Variants in IQGAP1 observed in about 807,000 individuals in gnomAD.
IQGAP1 encodes the protein IQ motif containing GTPase activating protein 1, also known as ras GTPase-activating-like protein IQGAP1.
Under a neutral mutation model 215.6 loss-of-function variants are expected in IQGAP1, and 66 were observed. The observed-to-expected ratio is 0.31, with a 90% CI of 0.25 to 0.38. The LOEUF (loss-of-function observed/expected upper bound fraction) is 0.38. Among genes scored for constraint, IQGAP1 ranks in the 10% least tolerant of loss-of-function variants. The pLI is 1.00. For missense variants in IQGAP1, 1,712 were observed against 1,997.1 expected (o/e 0.86, Z 2.72); for synonymous variants, 772 against 728.7 (o/e 1.06, Z -0.96).
intron 11 of IQGAP1, among the ~76,000 whole-genome samples, chr15:90,452,422 A>G (rs1014289083): frequency 6.6e-6 from 1 of 152,220 alleles, no homozygotes; most frequent in Admixed American, 6.5e-5. Context: ...GAAAGATTGT[A>G]GAAAGCTTTG....
intron 22 of IQGAP1, 122 bp downstream of exon 22, chr15:90,474,255 G>T (rs1965947762): frequency 1.1e-6 from 1 of 911,416 alleles, no homozygotes; most frequent in Non-Finnish European, 1.7e-6. Context: ...GGTGTGACCT[G>T]TGACATAAGC....
At chr15:90,479,093 TAG>T (rs1966020434) in intron 26 of IQGAP1, among the ~76,000 whole-genome samples, 1 of 152,050 alleles carries the variant, frequency 6.6e-6, no homozygotes, top group Non-Finnish European at 1.5e-5. Flanking sequence ...TGTTGTGGAG[TAG>T]AGTTAGATCA....
intron 5 of IQGAP1, among the ~76,000 whole-genome samples, chr15:90,434,755 G>A (rs1351822704): frequency 6.6e-6 from 1 of 152,162 alleles, no homozygotes; most frequent in Non-Finnish European, 1.5e-5. Flanking sequence ...AATCTGAAAT[G>A]CAGAATGCTC....
intron 15 of IQGAP1, among the ~76,000 whole-genome samples, chr15:90,464,045 G>T (rs551842411): frequency 1.3e-5 from 2 of 152,280 alleles, no homozygotes; most frequent in East Asian, 3.9e-4. Flanking sequence ...CCTCATTTAG[G>T]CACATAGTTA....
At chr15:90,391,911 T>C (rs1964641346) in intron 2 of IQGAP1, 1 of 152,154 alleles carries the variant, frequency 6.6e-6, no homozygotes, top group Non-Finnish European at 1.5e-5. Context: ...ATAAAAAGGG[T>C]GTTTGAAGTG....
chr15:90,432,293 C>T (rs1567124363), intron 4 of IQGAP1, among the ~76,000 whole-genome samples: 1 of 152,130 alleles, frequency 6.6e-6, no homozygotes, highest in Non-Finnish European at 1.5e-5. Flanking sequence ...ATACCTTGAA[C>T]TTCTAAATCT....
At chr15:90,466,697 A>T (rs1212726506) in intron 17 of IQGAP1, among the ~76,000 whole-genome samples, 1 of 151,524 alleles carries the variant, frequency 6.6e-6, no homozygotes, top group East Asian at 1.9e-4. Flanking sequence ...TTCACAGAGT[A>T]GCAGTAGCTC....
chr15:90,419,954 C>A lies in IQGAP1; in HGVS notation c.156-6156C>A, dbSNP rs142673405. ...ACACTGCTAATATAATACCTGGTAACGTTTTGAGTACTTACTCTGTGCCAG... is the reference window on the plus strand; with the variant it reads ...ACACTGCTAATATAATACCTGGTAAAGTTTTGAGTACTTACTCTGTGCCAG... On this transcript the variant is annotated intron_variant, in intron 2 of 37. Coordinates refer to ENST00000268182, the MANE Select transcript of IQGAP1 (RefSeq NM_003870.4). Among the ~76,000 whole-genome samples, 415 of 152,266 alleles carry A rather than the reference C, an allele frequency of 2.7e-3. 2 individuals carry two copies. Among genetic ancestry groups the A allele is most frequent in the African/African-American group, 9.7e-3 (403 of 41,526 alleles).
chr15:90,441,442 T>G (rs1415096546), intron 7 of IQGAP1, 64 bp from the exon 8 acceptor site: 2 of 1,403,200 alleles, frequency 1.4e-6, no homozygotes, highest in African/African-American at 1.4e-5. Flanking sequence ...TGTTGTGATA[T>G]ACATCCTGTA....
chr15:90,417,582 C>T (rs1356785751), intron 2 of IQGAP1, among the ~76,000 whole-genome samples: 3 of 152,242 alleles, frequency 2.0e-5, no homozygotes, highest in African/African-American at 7.2e-5. Context: ...TGTTTTGGTA[C>T]CAGTACCATA....
Position 90,482,253 on chromosome 15 carries a change from C to G in IQGAP1, c.3527C>G (p.Pro1176Arg). ...AAGGACTCGTTGCATGAGAAGTTCCCTGATGCTGGTGAGGATGAGCTGCTG... is the reference window on the plus strand; with the variant it reads ...AAGGACTCGTTGCATGAGAAGTTCCGTGATGCTGGTGAGGATGAGCTGCTG... ...VLKDSLHEKF[P>R]DAGEDELLKI... The change falls in exon 28 of 38, where the codon CCT becomes CGT. Residue 1176 changes from proline (P) to arginine (R), a missense_variant. By Grantham distance (103) the Pro-to-Arg change is moderately radical. This residue lies in a region of IQGAP1 where 691 missense variants were observed against 923.0 expected (regional missense o/e 0.75). Transcript: ENST00000268182. 1 of 1,614,192 alleles carries G rather than the reference C, an allele frequency of 6.2e-7. No individual in the cohort carries two copies. The highest frequency in any genetic ancestry group is 8.5e-7 in the Non-Finnish European group (1 of 1,180,028).
Position 90,391,007 on chromosome 15 carries a change from G to C in IQGAP1, c.155+134G>C, listed in dbSNP as rs570217957. 1.5e-5 allele frequency: 9 copies of C among 616,424 alleles called. No individual in the cohort carries two copies. In the African/African-American group the frequency reaches 1.5e-4, roughly 10 times the overall value. 38.2% of individuals were successfully genotyped at this position (616,424 alleles called of 1,614,324 possible). ...CCAACACGTTGGGAGGCCGAGGTGG[G>C]GGGGAATCACTTGAACCCAGCTGTT... On this transcript the variant is annotated intron_variant, in intron 2 of 37. Coordinates refer to ENST00000268182, the MANE Select transcript of IQGAP1 (RefSeq NM_003870.4).
chr15:90,486,559 GTTTT>G, intron 31 of IQGAP1: 1 of 159,018 alleles, frequency 6.3e-6, no homozygotes, highest in South Asian at 1.5e-4. Context: ...CTCCTGAGTT[GTTTT>G]TTTTTTTTTT....
At position 90,456,291 on chromosome 15, in the gene IQGAP1, T is replaced by G. The variant is rs376691675; in HGVS notation, c.1752T>G (p.Ile584Met). The change falls in exon 15 of 38, where the codon ATT (isoleucine) becomes ATG (methionine). Residue 584 changes from isoleucine (I) to methionine (M), a missense_variant. Transcript: ENST00000268182. ...EVAQHYQDTL[I>M]RAKREKAQEI... ...CCCAGCATTACCAAGACACGCTGATTAGAGCGAAGAGAGAGAAAGCCCAGG... is the reference window on the plus strand; with the variant it reads ...CCCAGCATTACCAAGACACGCTGATGAGAGCGAAGAGAGAGAAAGCCCAGG... The G allele has an allele frequency of 3.7e-6, 6 of 1,613,892 alleles. No homozygotes were observed. Among genetic ancestry groups the G allele is most frequent in the Admixed American group, 1.7e-5 (1 of 59,992 alleles).
At chr15:90,433,100 C>T (rs964299735) in intron 4 of IQGAP1, among the ~76,000 whole-genome samples, 1 of 152,148 alleles carries the variant, frequency 6.6e-6, no homozygotes, top group Admixed American at 6.5e-5. Context: ...CACAAATGAT[C>T]GATTTTGGTA....
In IQGAP1 at chr15:90,453,275, G is replaced by A. The variant is rs776644965; in HGVS notation, c.1470G>A (p.Glu490=). The A allele has an allele frequency of 1.2e-6, 2 of 1,611,968 alleles. No individual in the cohort carries two copies. Among genetic ancestry groups the A allele is most frequent in the South Asian group, 2.2e-5 (2 of 90,684 alleles). The change falls in exon 13 of 38, where the codon GAG becomes GAA. Residue 490 remains glutamate (E), a synonymous_variant. Transcript: ENST00000268182. ...SSSVTGLTNI[E]EENCQRYLDE... is the part of the protein sequence containing the mutation. ...CAGTTACTGGTCTTACCAATATTGAGGAAGAAAACTGTCAGAGGTGGGTGT... is the reference window on the plus strand; with the variant it reads ...CAGTTACTGGTCTTACCAATATTGAAGAAGAAAACTGTCAGAGGTGGGTGT...
intron 35 of IQGAP1, chr15:90,494,131 T>C (rs1276263639): frequency 1.3e-5 from 2 of 152,256 alleles, no homozygotes; most frequent in African/African-American, 4.8e-5. Flanking sequence ...GTTATTATTT[T>C]TTAAATTCTG....
chr15:90,459,490 G>A (rs551425665), intron 15 of IQGAP1, among the ~76,000 whole-genome samples: 46 of 152,328 alleles, frequency 3.0e-4, no homozygotes, highest in African/African-American at 9.6e-4. Flanking sequence ...CTGTGTGTGC[G>A]TTTTGTTTGG....
intron 24 of IQGAP1, 48 bp from the exon 25 acceptor site, chr15:90,477,019 C>T: frequency 6.5e-7 from 1 of 1,550,368 alleles, no homozygotes; most frequent in Non-Finnish European, 8.8e-7. Context: ...TATATCTTGC[C>T]AGCCTTTATA....
Sources: gnomAD v4.1 joint callset for allele counts (sites outside exome capture counted in the v4.1 genomes callset) on GRCh38, gnomAD v4.1.1 for gene constraint, gnomAD v4.1.1 regional missense constraint, MANE v1.5 for transcripts, NCBI Gene and HGNC (gene_info 2026-07-23, HGNC 2026-07-21) for gene names.